DLG2: variants seen among roughly 807,000 people sequenced by gnomAD.
The protein encoded by DLG2 is disks large homolog 2.
Under a neutral mutation model 132.5 loss-of-function variants are expected in DLG2, and 45 were observed. That is an observed-to-expected ratio of 0.34 (90% CI 0.27 to 0.44). DLG2 has a LOEUF of 0.44. Ranked by LOEUF, DLG2 falls within the 20% of genes least tolerant of loss-of-function variation. The pLI, the probability that DLG2 is intolerant of heterozygous loss-of-function variation, is 1.00. For missense variants in DLG2, 1,045 were observed against 1,196.9 expected (o/e 0.87, Z 1.87); for synonymous variants, 424 against 419.6 (o/e 1.01, Z -0.13).
chr11:83,457,913 T>G lies in DLG2; in HGVS notation c.*1905A>C, dbSNP rs181424457. ...TCAGGACTATGGGAAGATGCATAAT[T>G]TTGCATTTCTGTTTTGTTTTGGTGA... On this transcript the variant is annotated 3_prime_UTR_variant, in exon 28 of 28. Transcript: ENST00000376104. The G allele has an allele frequency of 2.9e-4, 45 of 152,732 alleles. No homozygotes were observed. The East Asian group carries it at 5.6e-3, about 19-fold the overall frequency. The allele number at this position is 152,732 out of a possible 1,614,324, so 9.5% of individuals were successfully genotyped here. A position where few individuals can be genotyped will look rare whatever the true frequency, so the allele number is the denominator to read the frequency against.
At chr11:85,344,170 C>T (rs769032054) in intron 3 of DLG2, among the ~76,000 whole-genome samples, 1 of 152,094 alleles carries the variant, frequency 6.6e-6, no homozygotes, top group Non-Finnish European at 1.5e-5. Flanking sequence ...ATAATACTTG[C>T]TATTGTCTTA....
chr11:83,882,441 A>C (rs1416481421), intron 15 of DLG2, among the ~76,000 whole-genome samples: 1 of 151,028 alleles, frequency 6.6e-6, no homozygotes, highest in Non-Finnish European at 1.5e-5. Context: ...AGTATGAAGA[A>C]AAACATTAAA....
chr11:83,495,066 A>T (rs2094076893), intron 21 of DLG2, among the ~76,000 whole-genome samples: 1 of 152,110 alleles, frequency 6.6e-6, no homozygotes, highest in South Asian at 2.1e-4. Context: ...TAAACCAGTG[A>T]GTGACTCTAG....
intron 8 of DLG2, among the ~76,000 whole-genome samples, chr11:84,184,567 T>G (rs2096235168): frequency 6.6e-6 from 1 of 151,964 alleles, no homozygotes; most frequent in South Asian, 2.1e-4. Context: ...AGAAGCTCTT[T>G]AGTTTAATTA....
chr11:83,634,103 C>A (rs2064176563), intron 18 of DLG2, among the ~76,000 whole-genome samples: 1 of 152,096 alleles, frequency 6.6e-6, no homozygotes. Flanking sequence ...TTTAATTTAA[C>A]TAAATTTTGT....
At chr11:84,704,154 T>C (rs115692257) in intron 6 of DLG2, among the ~76,000 whole-genome samples, 1 of 151,280 alleles carries the variant, frequency 6.6e-6, no homozygotes, top group Non-Finnish European at 1.5e-5. Flanking sequence ...TTAAGTATCT[T>C]TCCCACATCC....
intron 6 of DLG2, among the ~76,000 whole-genome samples, chr11:84,548,791 A>C (rs2099395963): frequency 1.3e-5 from 2 of 152,262 alleles, no homozygotes; most frequent in Non-Finnish European, 2.9e-5. Context: ...ACCCCAGGTC[A>C]GCAGCTTGAC....
intron 16 of DLG2, among the ~76,000 whole-genome samples, chr11:83,873,787 C>T (rs1193259558): frequency 6.6e-6 from 1 of 152,104 alleles, no homozygotes; most frequent in Non-Finnish European, 1.5e-5. Context: ...TGCTTCAGTC[C>T]TCAGCTCAAG....
In DLG2 at chr11:83,877,822, T is replaced by A. The variant is rs1265329105; in HGVS notation, c.1497-3334A>T. 3.3e-5 allele frequency among the ~76,000 whole-genome samples: 5 copies of A among 152,350 alleles called. No homozygotes were observed. In the East Asian group the frequency reaches 9.6e-4, roughly 29 times the overall value. On this transcript the variant is annotated intron_variant, in intron 15 of 27. Transcript: ENST00000376104. ...TATAATAGTAATGTCCAAGCTATAC[T>A]TGCAGGAGGGATGCTTGTAGTGGAT...
At chr11:84,138,657 A>G (rs570528538) in intron 9 of DLG2, among the ~76,000 whole-genome samples, 4 of 152,206 alleles carry the variant, frequency 2.6e-5, no homozygotes, top group African/African-American at 9.6e-5. Context: ...ACTAGGAAAC[A>G]TTCACTTTAG....
intron 19 of DLG2, among the ~76,000 whole-genome samples, chr11:83,555,860 C>G (rs2096505448): frequency 6.6e-6 from 1 of 152,170 alleles, no homozygotes; most frequent in Non-Finnish European, 1.5e-5. Flanking sequence ...CATCTCTAAA[C>G]CTGTTTCCAA....
At chr11:84,970,043 G>C (rs1407832227) in intron 6 of DLG2, among the ~76,000 whole-genome samples, 1 of 152,086 alleles carries the variant, frequency 6.6e-6, no homozygotes, top group Non-Finnish European at 1.5e-5. Context: ...GAGAGGGATA[G>C]TGTTGGGAGA....
At chr11:84,316,914 GCA>G in intron 7 of DLG2, 1 of 1,612,658 alleles carries the variant, frequency 6.2e-7, no homozygotes, top group Non-Finnish European at 8.5e-7. Flanking sequence ...GGGCTTTTCC[GCA>G]CACTGTCCCA....
chr11:85,417,915 G>A lies in DLG2; in HGVS notation c.41-132550C>T, dbSNP rs143387345. Among the ~76,000 whole-genome samples the A allele has an allele frequency of 5.1e-3, 780 of 151,980 alleles. 5 individuals carry two copies. The highest frequency in any genetic ancestry group is 0.018 in the African/African-American group (726 of 41,474). ...CCTGGATTCATTGATTTTTTTGAAG[G>A]GTTTTTAATGTCTCTATCTCTTTCA... On this transcript the variant is annotated intron_variant, in intron 3 of 27. Coordinates refer to ENST00000376104, the MANE Select transcript of DLG2 (RefSeq NM_001142699.3).
At chr11:85,331,024 G>A (rs927909470) in intron 3 of DLG2, among the ~76,000 whole-genome samples, 2 of 152,090 alleles carry the variant, frequency 1.3e-5, no homozygotes, top group Non-Finnish European at 2.9e-5. Context: ...GAGGCACGAA[G>A]CTCATCTGTA....
chr11:83,941,824 A>C (rs2082732650), intron 14 of DLG2, among the ~76,000 whole-genome samples: 1 of 152,214 alleles, frequency 6.6e-6, no homozygotes. Context: ...CAGATAGATA[A>C]TTTTAAAATA....
At chr11:84,980,059 C>G (rs897535526) in intron 6 of DLG2, among the ~76,000 whole-genome samples, 3 of 151,938 alleles carry the variant, frequency 2.0e-5, no homozygotes, top group African/African-American at 7.3e-5. Flanking sequence ...GTATCATTTT[C>G]AAAATGCAAA....
intron 19 of DLG2, among the ~76,000 whole-genome samples, chr11:83,620,631 A>T (rs60809470): frequency 6.6e-6 from 1 of 151,680 alleles, no homozygotes; most frequent in African/African-American, 2.4e-5. Context: ...AGCACTTTGG[A>T]AGGCCGAGGC....
chr11:84,245,273 G>A (rs868175841), intron 8 of DLG2, among the ~76,000 whole-genome samples: 10 of 151,736 alleles, frequency 6.6e-5, no homozygotes, highest in Non-Finnish European at 2.9e-5. Context: ...TCTTGTCCTT[G>A]GCCCCAGAAT....
Sources: gnomAD v4.1 joint callset for allele counts (sites outside exome capture counted in the v4.1 genomes callset) on GRCh38, gnomAD v4.1.1 for gene constraint, MANE v1.5 for transcripts, NCBI Gene and HGNC (gene_info 2026-07-23, HGNC 2026-07-21) for gene names.